Variants in EYS observed in about 807,000 individuals in gnomAD.
EYS encodes the protein EGF-like photoreceptor maintenance factor.
Under a neutral mutation model 282.1 loss-of-function variants are expected in EYS, and 250 were observed. That is an observed-to-expected ratio of 0.89 (90% confidence interval 0.80 to 0.98). The LOEUF (loss-of-function observed/expected upper bound fraction) is 0.98, where lower values mean the gene tolerates loss of function less well. EYS is among the 50% of genes least tolerant of loss of function. The pLI is 0.00. For synonymous variants in EYS, 1,355 were observed against 1,282.9 expected, an observed-to-expected ratio of 1.06 and a Z score of -1.20; for missense variants, 4,016 against 3,709.0, an observed-to-expected ratio of 1.08 and a Z score of -2.15.
chr6:64,330,756 G>A (rs1294964316), intron 29 of EYS, among the ~76,000 whole-genome samples: 1 of 152,146 alleles, frequency 6.6e-6, no homozygotes, highest in African/African-American at 2.4e-5. Context: ...GGAGCAGAGG[G>A]GGTATCGCTT....
rs185300917 is a variant in EYS, at chr6:64,141,677, T to A, written c.6425-59675A>T. 4.6e-3 allele frequency among the ~76,000 whole-genome samples: 701 copies of A among 152,332 alleles called. 4 individuals are homozygous for A. The highest frequency in any genetic ancestry group is 0.016 in the African/African-American group (661 of 41,578). The stretch of plus-strand genomic sequence containing the variant: ...AATCATATAAGAATGGTATTTCTAA[T>A]TTATTCCTAATTGGTTTTAATCAGT... On this transcript the variant is annotated intron_variant, in intron 31 of 42. Coordinates refer to ENST00000503581, the MANE Select transcript of EYS (RefSeq NM_001142800.2).
rs182833859 is a variant in EYS, at chr6:64,256,578, C to A, written c.6192-25754G>T. On this transcript the variant is annotated intron_variant, in intron 30 of 42. Coordinates refer to ENST00000503581, the MANE Select transcript of EYS (RefSeq NM_001142800.2). ...CTGCAGTGAAAAAAAGACAAAGGAG[C>A]AGAAGAAAAGCCTCTACTTAATCAT... Among the ~76,000 whole-genome samples the A allele has an allele frequency of 4.6e-5, 7 of 152,080 alleles. No individual in the cohort carries two copies. The East Asian group carries it at 9.7e-4, about 21-fold the overall frequency.
intron 22 of EYS, among the ~76,000 whole-genome samples, chr6:64,775,699 C>A (rs1006788993): frequency 4.6e-5 from 7 of 151,882 alleles, no homozygotes; most frequent in African/African-American, 1.7e-4. Flanking sequence ...TTTTGAAAGA[C>A]AAATATTTAC....
At chr6:63,899,777 A>G (rs931162537) in intron 35 of EYS, among the ~76,000 whole-genome samples, 1 of 152,214 alleles carries the variant, frequency 6.6e-6, no homozygotes, top group Non-Finnish European at 1.5e-5. Flanking sequence ...GTTAGGACAG[A>G]TGCTGACTCA....
intron 22 of EYS, among the ~76,000 whole-genome samples, chr6:64,702,984 A>G (rs537852681): frequency 6.6e-6 from 1 of 152,098 alleles, no homozygotes; most frequent in South Asian, 2.1e-4. Context: ...TTAATGTGAC[A>G]GACATTGTTA....
chr6:64,112,350 A>G (rs1359170939), intron 31 of EYS, among the ~76,000 whole-genome samples: 1 of 152,038 alleles, frequency 6.6e-6, no homozygotes, highest in Non-Finnish European at 1.5e-5. Context: ...TTTTTCCCAA[A>G]GCAGCGACTG....
At chr6:63,782,608 A>G (rs1770259767) in intron 39 of EYS, among the ~76,000 whole-genome samples, 1 of 152,098 alleles carries the variant, frequency 6.6e-6, no homozygotes, top group Non-Finnish European at 1.5e-5. Flanking sequence ...CGCCTTCATC[A>G]TTTTTTATTG....
intron 33 of EYS, among the ~76,000 whole-genome samples, chr6:64,043,257 G>A (rs947390468): frequency 2.0e-5 from 3 of 152,176 alleles, no homozygotes; most frequent in Non-Finnish European, 4.4e-5. Context: ...CTGCTGGCAG[G>A]AGTATAATTG....
At chr6:65,525,107 T>G (rs1243703645) in intron 2 of EYS, among the ~76,000 whole-genome samples, 1 of 151,832 alleles carries the variant, frequency 6.6e-6, no homozygotes, top group East Asian at 1.9e-4. Context: ...GTGCTGAACA[T>G]GCAGGTTTGT....
chr6:64,664,936 G>A (rs889600053), intron 22 of EYS, among the ~76,000 whole-genome samples: 1 of 152,152 alleles, frequency 6.6e-6, no homozygotes, highest in Non-Finnish European at 1.5e-5. Context: ...ATGAAATGAG[G>A]TGATTATGTA....
chr6:64,282,482 G>A (rs1768343012), intron 30 of EYS, among the ~76,000 whole-genome samples: 2 of 152,128 alleles, frequency 1.3e-5, no homozygotes, highest in African/African-American at 4.8e-5. Context: ...AAGCAACTTA[G>A]AATCAACTTA....
At chr6:64,710,036 A>G (rs1268003135) in intron 22 of EYS, among the ~76,000 whole-genome samples, 1 of 152,238 alleles carries the variant, frequency 6.6e-6, no homozygotes, top group East Asian at 1.9e-4. Flanking sequence ...TGCAGGAAAT[A>G]TACTTCTAAA....
chr6:65,651,637 C>T (rs1767655019), intron 1 of EYS, among the ~76,000 whole-genome samples: 1 of 152,022 alleles, frequency 6.6e-6, no homozygotes, highest in Non-Finnish European at 1.5e-5. Flanking sequence ...ACAGCAACCA[C>T]TAGAGGATGC....
chr6:64,796,240 C>T (rs922106746), intron 22 of EYS, among the ~76,000 whole-genome samples: 3 of 152,196 alleles, frequency 2.0e-5, no homozygotes, highest in Non-Finnish European at 4.4e-5. Context: ...TCTCTGGAAT[C>T]CTTTAGTGCC....
chr6:64,887,483 GAT>G (rs1767134454), intron 18 of EYS, among the ~76,000 whole-genome samples: 1 of 151,932 alleles, frequency 6.6e-6, no homozygotes, highest in Non-Finnish European at 1.5e-5. Flanking sequence ...ATATTAAACT[GAT>G]CGAAACTGTA....
At chr6:64,961,113 T>C (rs1413540176) in intron 14 of EYS, among the ~76,000 whole-genome samples, 1 of 152,196 alleles carries the variant, frequency 6.6e-6, no homozygotes, top group Non-Finnish European at 1.5e-5. Flanking sequence ...AGAGTGAATA[T>C]ATGTGTGCAT....
intron 13 of EYS, among the ~76,000 whole-genome samples, chr6:65,047,095 C>T (rs991719395): frequency 1.3e-5 from 2 of 151,060 alleles, no homozygotes; most frequent in African/African-American, 4.9e-5. Flanking sequence ...TCAATTAAAC[C>T]TCTTTTTTTT....
chr6:64,210,876 G>A lies in EYS; in HGVS notation c.6424+19716C>T, dbSNP rs990938113. 4.6e-5 allele frequency among the ~76,000 whole-genome samples: 7 copies of A among 152,124 alleles called. No individual in the cohort carries two copies. The East Asian group carries it at 1.4e-3, about 29-fold the overall frequency. On this transcript the variant is annotated intron_variant, in intron 31 of 42. Transcript: ENST00000503581. ...GCCTGCGTATAACAAAAAAGCAGAA[G>A]AAGGGTGAATTCTCTCTCCCTACTG...
At chr6:63,836,571 T>C (rs1057129776) in intron 36 of EYS, among the ~76,000 whole-genome samples, 1 of 152,028 alleles carries the variant, frequency 6.6e-6, no homozygotes, top group African/African-American at 2.4e-5. Flanking sequence ...AAAGTCATTG[T>C]TCTAAAAAGT....
Sources: gnomAD v4.1 joint callset for allele counts (sites outside exome capture counted in the v4.1 genomes callset) on GRCh38, gnomAD v4.1.1 for gene constraint, MANE v1.5 for transcripts, NCBI Gene and HGNC (gene_info 2026-07-23, HGNC 2026-07-21) for gene names.